The following FMNL1 variants were observed in gnomAD, a reference collection of about 807,000 sequenced individuals.
FMNL1 encodes the protein formin-like protein 1.
In FMNL1, 43 loss-of-function variants were observed where a neutral mutation model predicts 121.3. That is an observed-to-expected ratio of 0.35 (90% CI 0.28 to 0.46). The LOEUF (loss-of-function observed/expected upper bound fraction) is 0.46, where lower values mean the gene tolerates loss of function less well. Ranked by LOEUF, FMNL1 falls within the 20% of genes least tolerant of loss-of-function variation. The pLI is 1.00. For synonymous variants in FMNL1, 613 were observed against 613.5 expected, an observed-to-expected ratio of 1.00 and a Z score of 0.01; for missense variants, 1,191 against 1,482.4, an observed-to-expected ratio of 0.80 and a Z score of 3.23.
rs1274974569 is a variant in FMNL1, at chr17:45,242,234, T to A, written c.1885+88T>A. On this transcript the variant is annotated intron_variant, in intron 15 of 26. Transcript: ENST00000331495. ...TCAGTGTCCTCCAGGGTCCTCTGCC[T>A]GGGGGCCTCCTGCTGCCTCCTGGCT... 2.5e-6 allele frequency: 4 copies of A among 1,572,746 alleles called. No individual in the cohort carries two copies. In the Admixed American group the frequency reaches 7.2e-5, roughly 28 times the overall value.
chr17:45,234,275 C>T, intron 6 of FMNL1, 75 bp downstream of exon 6: 1 of 1,609,922 alleles, frequency 6.2e-7, no homozygotes, highest in Non-Finnish European at 8.5e-7. Context: ...AGCCAGCCCA[C>T]CCCGGGCCCT....
intron 16 of FMNL1, 146 bp from the exon 17 acceptor site, chr17:45,242,972 C>T: frequency 1.2e-6 from 1 of 848,390 alleles, no homozygotes; most frequent in Non-Finnish European, 1.8e-6. Context: ...CTGTGCCTCC[C>T]ATCAGGGCCT....
Position 45,243,782 on chromosome 17 carries a change from C to T in FMNL1, c.2214-9C>T. On this transcript the variant is annotated splice_polypyrimidine_tract_variant and intron_variant, in intron 17 of 26. Transcript: ENST00000331495. ...TGATGCCCAATCTCCCCTCTCCTCC[C>T]TCTCACAGGTACGACCTGCAGGCTC... 1.2e-6 allele frequency: 2 copies of T among 1,604,180 alleles called. No individual in the cohort carries two copies. The highest frequency in any genetic ancestry group is 2.2e-5 in the South Asian group (2 of 90,768).
In FMNL1 at chr17:45,230,611, T is replaced by A; in HGVS notation, c.137T>A (p.Met46Lys). The A allele has an allele frequency of 2.5e-6, 4 of 1,613,802 alleles. No homozygotes were observed. Among genetic ancestry groups the A allele is most frequent in the Non-Finnish European group, 3.4e-6 (4 of 1,179,800 alleles). The change falls in exon 2 of 27, where the codon ATG becomes AAG. Residue 46 changes from methionine (M) to lysine (K), a missense_variant. Coordinates refer to ENST00000331495, the MANE Select transcript of FMNL1 (RefSeq NM_005892.4). The part of the protein sequence containing the change: ...EERFNRALNC[M>K]NLPPDKVQLL... ...TGTCCTCCCTGTCCCCAGAACTGCATGAACTTGCCCCCAGACAAGGTCCAG... is the reference window on the plus strand; with the variant it reads ...TGTCCTCCCTGTCCCCAGAACTGCAAGAACTTGCCCCCAGACAAGGTCCAG...
At chr17:45,230,785 C>A in intron 2 of FMNL1, 98 bp downstream of exon 2, 2 of 1,296,330 alleles carry the variant, frequency 1.5e-6, no homozygotes, top group Non-Finnish European at 2.1e-6. Context: ...CGCCATACTG[C>A]CCATGGAGCC....
Position 45,233,975 on chromosome 17 carries a change from T to A in FMNL1, c.486-97T>A. On this transcript the variant is annotated intron_variant, in intron 5 of 26. Transcript: ENST00000331495. This position sits in a 1 kb window ranked among gnomAD's most constrained non-coding sequence, Gnocchi z 4.1. ...ACAGCCTCCTCCTCCTGCTCCTTAG[T>A]CTCACCTGCAGGTCTGTCTCTCCTT... is the stretch of plus-strand genomic sequence containing the variant. 6.6e-7 allele frequency: 1 copy of A among 1,506,978 alleles called. No homozygotes were observed. The highest frequency in any genetic ancestry group is 2.1e-5 in the Admixed American group (1 of 48,300). The allele number at this position is 1,506,978 out of a possible 1,614,324, so 93.4% of individuals were successfully genotyped here. A position where few individuals can be genotyped will look rare whatever the true frequency, so the allele number is the denominator to read the frequency against.
rs2043797624 is a variant in FMNL1, at chr17:45,245,049, A to G, written c.2669A>G (p.Lys890Arg). The G allele has an allele frequency of 1.2e-6, 2 of 1,614,106 alleles. No homozygotes were observed. The highest frequency in any genetic ancestry group is 1.7e-6 in the Non-Finnish European group (2 of 1,180,042). The change falls in exon 21 of 27, where the codon AAG becomes AGG. Residue 890 changes from lysine (K) to arginine (R), a missense_variant. Lys to Arg is a conservative substitution (Grantham distance 26). Transcript: ENST00000331495. ...LHYLVKVIAE[K>R]YPQLTGFHSD... Reference sequence around the variant, plus strand: ...TACCTGGTGAAGGTCATTGCTGAGAAGTACCCGCAACTCACAGGCTTCCAC... The same window carrying G: ...TACCTGGTGAAGGTCATTGCTGAGAGGTACCCGCAACTCACAGGCTTCCAC...
chr17:45,222,315 TG>T (rs2043243469), intron 1 of FMNL1, 62 bp downstream of exon 1: 1 of 1,115,416 alleles, frequency 9.0e-7, no homozygotes, highest in Non-Finnish European at 1.1e-6. Flanking sequence ...CGGCAGGGGC[TG>T]GGCGCGCGTC....
intron 1 of FMNL1, among the ~76,000 whole-genome samples, chr17:45,225,957 T>C (rs1291733522): frequency 6.6e-6 from 1 of 152,082 alleles, no homozygotes; most frequent in Admixed American, 6.5e-5. Flanking sequence ...CCCCCTCCAC[T>C]GTGAGAAAGG....
chr17:45,232,882 T>G (rs1237657716), intron 3 of FMNL1: 10 of 548,890 alleles, frequency 1.8e-5, no homozygotes, highest in East Asian at 4.4e-5. Flanking sequence ...TGTGTGGATA[T>G]TCTATGTCTG....
In FMNL1 at chr17:45,241,525, G is replaced by C. The variant is rs896161120; in HGVS notation, c.1476G>C (p.Leu492=). 31 of 1,579,166 alleles carry C rather than the reference G, an allele frequency of 2.0e-5. No individual in the cohort carries two copies. Among genetic ancestry groups the C allele is most frequent in the Non-Finnish European group, 2.6e-5 (30 of 1,163,574 alleles). Residue 492 remains leucine (L), a synonymous_variant, in exon 14 of 27, where the codon CTG becomes CTC. Transcript: ENST00000331495. The surrounding 1 kb of genome is among the most constrained non-coding windows in gnomAD (Gnocchi z 7.0). ...AGGAGAAGGGGTTAATCCGTATTCT[G>C]CGGGGGCCGGGGGATGCTGTCTCCA... ...ELEEKGLIRI[L]RGPGDAVSIE...
At position 45,231,085 on chromosome 17, in the gene FMNL1, C is replaced by T. The variant is rs555594007; in HGVS notation, c.213+398C>T. Among the ~76,000 whole-genome samples, 89 of 152,196 alleles carry T rather than the reference C, an allele frequency of 5.8e-4. No individual in the cohort carries two copies. Among genetic ancestry groups the T allele is most frequent in the Non-Finnish European group, 8.8e-5 (6 of 67,980 alleles). ...CCCATGGGAGGGAGGGAGGAAGGGG[C>T]GGGAATTCCTGCCCTTTTGCCTTGG... On this transcript the variant is annotated intron_variant, in intron 2 of 26. Transcript: ENST00000331495. The surrounding 1 kb of genome is among the most constrained non-coding windows in gnomAD (Gnocchi z 4.7).
At position 45,233,387 on chromosome 17, in the gene FMNL1, C is replaced by G; in HGVS notation, c.401+90C>G. On this transcript the variant is annotated intron_variant, in intron 4 of 26. Transcript: ENST00000331495. This position sits in a 1 kb window ranked among gnomAD's most constrained non-coding sequence, Gnocchi z 4.1. Reference sequence around the variant, plus strand: ...AGCTTCCCCTTCCTACTCCCCCTGCCCCCTGCACAAGGCTGTGCTTGTGGA... The same window carrying G: ...AGCTTCCCCTTCCTACTCCCCCTGCGCCCTGCACAAGGCTGTGCTTGTGGA... 1 of 1,360,126 alleles carries G rather than the reference C, an allele frequency of 7.4e-7. No homozygotes were observed. Among genetic ancestry groups the G allele is most frequent in the Non-Finnish European group, 1.0e-6 (1 of 992,222 alleles). The allele number at this position is 1,360,126 out of a possible 1,614,324, so 84.3% of individuals were successfully genotyped here.
chr17:45,231,254 G>GCC lies in FMNL1; in HGVS notation c.213+567_213+568insCC. Among the ~76,000 whole-genome samples, 1 of 151,406 alleles carries GCC rather than the reference G, an allele frequency of 6.6e-6. No homozygotes were observed. Among genetic ancestry groups the GCC allele is most frequent in the African/African-American group, 2.5e-5 (1 of 40,760 alleles). The stretch of plus-strand genomic sequence containing the variant: ...GCTTCAAGGGCTGCGGTCGGCCATG[G>GCC]GCCGACCCTCTCCCAGCGCTGGGCT... On this transcript the variant is annotated intron_variant, in intron 2 of 26. Coordinates refer to ENST00000331495, the MANE Select transcript of FMNL1 (RefSeq NM_005892.4). This position sits in a 1 kb window ranked among gnomAD's most constrained non-coding sequence, Gnocchi z 4.7.
chr17:45,233,124 G>A lies in FMNL1; in HGVS notation c.328-100G>A. The A allele has an allele frequency of 8.3e-7, 1 of 1,207,362 alleles. No homozygotes were observed. Among genetic ancestry groups the A allele is most frequent in the Non-Finnish European group, 1.2e-6 (1 of 836,432 alleles). The allele number at this position is 1,207,362 out of a possible 1,614,324, so 74.8% of individuals were successfully genotyped here. ...TGAGCATGAAAGGCCACTTGTGCCAGTTGGAGGAGGGTGGGCGCTGCTGCC... is the reference window on the plus strand; with the variant it reads ...TGAGCATGAAAGGCCACTTGTGCCAATTGGAGGAGGGTGGGCGCTGCTGCC... On this transcript the variant is annotated intron_variant, in intron 3 of 26. Coordinates refer to ENST00000331495, the MANE Select transcript of FMNL1 (RefSeq NM_005892.4). The surrounding 1 kb of genome is among the most constrained non-coding windows in gnomAD (Gnocchi z 4.1).
intron 10 of FMNL1, 29 bp from the exon 11 acceptor site, chr17:45,238,926 A>G (rs2043617001): frequency 1.3e-6 from 2 of 1,590,962 alleles, no homozygotes; most frequent in Non-Finnish European, 1.7e-6. Context: ...CTAGAGGATC[A>G]TAGATCTCCC....
rs1300756710 is a variant in FMNL1 at position 45,237,881 on chromosome 17, A to G, written c.894+242A>G. On this transcript the variant is annotated intron_variant, in intron 9 of 26. Transcript: ENST00000331495. The surrounding 1 kb of genome is among the most constrained non-coding windows in gnomAD (Gnocchi z 4.4). ...GGTGGGGGTAGGGACAACTACAGGG[A>G]CCTGCTGAACCTCTGACTCAGCCTT... 2.2e-6 allele frequency: 1 copy of G among 449,272 alleles called. No individual in the cohort carries two copies. The highest frequency in any genetic ancestry group is 4.1e-6 in the Non-Finnish European group (1 of 245,366). The allele number at this position is 449,272 out of a possible 1,614,324, so 27.8% of individuals were successfully genotyped here.
Position 45,233,666 on chromosome 17 carries a change from C to T in FMNL1, c.420C>T (p.Leu140=), listed in dbSNP as rs747256731. The change falls in exon 5 of 27, where the codon CTC becomes CTT. Residue 140 remains leucine (L), a synonymous_variant. Coordinates refer to ENST00000331495, the MANE Select transcript of FMNL1 (RefSeq NM_005892.4). The surrounding 1 kb of genome is among the most constrained non-coding windows in gnomAD (Gnocchi z 4.1). ...TNHIGWVQEF[L]NEENRGLDVL... Reference sequence around the variant, plus strand: ...CCCACAGGTGGGTGCAGGAGTTCCTCAATGAAGAGAACCGTGGCCTGGATG... The same window carrying T: ...CCCACAGGTGGGTGCAGGAGTTCCTTAATGAAGAGAACCGTGGCCTGGATG... 1.2e-6 allele frequency: 2 copies of T among 1,614,060 alleles called. No homozygotes were observed. The highest frequency in any genetic ancestry group is 3.3e-5 in the Admixed American group (2 of 60,028).
intron 22 of FMNL1, 82 bp downstream of exon 22, chr17:45,245,498 G>A (rs2043809986): frequency 6.2e-7 from 1 of 1,606,046 alleles, no homozygotes; most frequent in Non-Finnish European, 8.5e-7. Flanking sequence ...GGCCGTAGCT[G>A]GGACCCCTTG....
Sources: allele counts gnomAD v4.1 joint callset (sites outside exome capture counted in the v4.1 genomes callset), GRCh38; gene constraint gnomAD v4.1.1; non-coding constraint Gnocchi (gnomAD v3.1); transcripts MANE v1.5; gene names NCBI Gene and HGNC (gene_info 2026-07-23, HGNC 2026-07-21).